Variants in CNOT2 observed in about 807,000 individuals in gnomAD.
The protein encoded by CNOT2 is CC chemokine receptor 4-negative regulator of transcription 2.
In CNOT2, 7 loss-of-function variants were observed where a neutral mutation model predicts 72.1. The observed-to-expected ratio is 0.10, with a 90% CI of 0.06 to 0.18. The LOEUF (loss-of-function observed/expected upper bound fraction) is 0.18. Among genes scored for constraint, CNOT2 ranks in the 10% least tolerant of loss-of-function variants. The pLI is 1.00. For synonymous variants in CNOT2, 196 were observed against 225.6 expected, an observed-to-expected ratio of 0.87 and a Z score of 1.17; for missense variants, 345 against 660.3, an observed-to-expected ratio of 0.52 and a Z score of 5.23.
At chr12:70,266,978 CAT>C (rs58555891) in intron 1 of CNOT2, among the ~76,000 whole-genome samples, 21,865 of 151,930 alleles carry the variant, frequency 0.14, 1,901 homozygotes, top group Admixed American at 0.28. Flanking sequence ...CTTTTTCACT[CAT>C]GTGATTGATT....
chr12:70,353,944 C>T lies in CNOT2; in HGVS notation c.*29C>T. 1 of 1,502,298 alleles carries T rather than the reference C, an allele frequency of 6.7e-7. No individual in the cohort carries two copies. Among genetic ancestry groups the T allele is most frequent in the South Asian group, 1.2e-5 (1 of 81,376 alleles). The allele number at this position is 1,502,298 out of a possible 1,614,324, so 93.1% of individuals were successfully genotyped here. A position where few individuals can be genotyped will look rare whatever the true frequency, so the allele number is the denominator to read the frequency against. Reference sequence around the variant, plus strand: ...AAAAAAAAAAAAAAAAAAAAGACTTCCCTTTTCTTGGGGTATGGCTGTCTC... The same window carrying T: ...AAAAAAAAAAAAAAAAAAAAGACTTTCCTTTTCTTGGGGTATGGCTGTCTC... On this transcript the variant is annotated 3_prime_UTR_variant, in exon 16 of 16. Transcript: ENST00000229195.
intron 8 of CNOT2, 64 bp from the exon 9 acceptor site, chr12:70,337,325 T>G: frequency 7.0e-7 from 1 of 1,433,238 alleles, no homozygotes; most frequent in South Asian, 1.2e-5. Context: ...AAGTTAACTT[T>G]ATAATCTGTA....
intron 1 of CNOT2, among the ~76,000 whole-genome samples, chr12:70,273,530 A>T (rs1868330458): frequency 1.3e-5 from 2 of 152,146 alleles, no homozygotes; most frequent in African/African-American, 4.8e-5. Flanking sequence ...ACTTGTGTAA[A>T]CAGATGTACT....
At chr12:70,341,996 A>G in intron 11 of CNOT2, 111 bp from the exon 12 acceptor site, 1 of 767,448 alleles carries the variant, frequency 1.3e-6, no homozygotes. Context: ...CAAGTAAGGG[A>G]ATTAGAAGTA....
chr12:70,280,919 G>A (rs1161909701), intron 2 of CNOT2, among the ~76,000 whole-genome samples: 2 of 152,054 alleles, frequency 1.3e-5, no homozygotes, highest in Non-Finnish European at 2.9e-5. Flanking sequence ...ATGGCTCATG[G>A]TTCATTTTTG....
chr12:70,269,839 C>T (rs563242191), intron 1 of CNOT2, among the ~76,000 whole-genome samples: 2 of 152,238 alleles, frequency 1.3e-5, no homozygotes, highest in Admixed American at 1.3e-4. Context: ...ATTTATAGAA[C>T]CTGGTTAAGA....
chr12:70,264,635 A>C (rs569249348), intron 1 of CNOT2, among the ~76,000 whole-genome samples: 2 of 152,040 alleles, frequency 1.3e-5, no homozygotes, highest in Admixed American at 1.3e-4. Context: ...GAGGGAGTTG[A>C]GTATAAGAAA....
intron 2 of CNOT2, among the ~76,000 whole-genome samples, chr12:70,293,914 CTTTTTTTTTTTTTT>C (rs34038348): frequency 1.4e-4 from 10 of 71,314 alleles, no homozygotes; most frequent in African/African-American, 5.0e-4. Context: ...GTGAGCACTG[CTTTTTTTTTTTTTT>C]TTTTTTTTTT....
intron 2 of CNOT2, among the ~76,000 whole-genome samples, chr12:70,302,837 T>A (rs199895380): frequency 6.6e-5 from 10 of 152,222 alleles, no homozygotes; most frequent in African/African-American, 1.7e-4. Flanking sequence ...CCCATTATTA[T>A]TGTGTGGGAG....
Position 70,251,012 on chromosome 12 carries a change from G to T in CNOT2, c.-96+7532G>T, listed in dbSNP as rs191281784. ...CATCAGATGAATTGCAGGGGTTGAG[G>T]GGTGGTCTGTCTGGAGTACTGGAAA... On this transcript the variant is annotated intron_variant, in intron 1 of 15. Coordinates refer to ENST00000229195, the MANE Select transcript of CNOT2 (RefSeq NM_014515.7). Among the ~76,000 whole-genome samples the T allele has an allele frequency of 1.7e-3, 254 of 152,218 alleles. 2 individuals carry two copies. The highest frequency in any genetic ancestry group is 5.8e-3 in the African/African-American group (240 of 41,536).
At chr12:70,311,111 G>A (rs1876379446) in intron 3 of CNOT2, 94 bp downstream of exon 3, 1 of 833,308 alleles carries the variant, frequency 1.2e-6, no homozygotes, top group Non-Finnish European at 1.9e-6. Flanking sequence ...TACTGTCTGT[G>A]GTTGAGTGAC....
intron 1 of CNOT2, among the ~76,000 whole-genome samples, chr12:70,275,433 C>T (rs1373139097): frequency 6.6e-6 from 1 of 151,936 alleles, no homozygotes; most frequent in African/African-American, 2.4e-5. Context: ...TCCAGTTTCC[C>T]CTCCTTGTGC....
chr12:70,268,594 C>T (rs4761191), intron 1 of CNOT2, among the ~76,000 whole-genome samples: 21,868 of 151,712 alleles, frequency 0.14, 1,913 homozygotes, highest in Admixed American at 0.28. Flanking sequence ...CTACAGGGTG[C>T]GTGTGCCATC....
chr12:70,295,938 TCCCTAGA>T (rs2135887991), intron 2 of CNOT2, among the ~76,000 whole-genome samples: 1 of 152,308 alleles, frequency 6.6e-6, no homozygotes, highest in African/African-American at 2.4e-5. Flanking sequence ...GAACATATTC[TCCCTAGA>T]TCAGAGTCAA....
intron 9 of CNOT2, chr12:70,338,228 C>A: frequency 2.6e-6 from 1 of 382,246 alleles, no homozygotes; most frequent in Non-Finnish European, 4.6e-6. Context: ...CCCTTGATTT[C>A]TTTTTCTTTA....
intron 11 of CNOT2, 35 bp from the exon 12 acceptor site, chr12:70,342,072 G>C (rs373693394): frequency 2.0e-4 from 255 of 1,271,042 alleles, no homozygotes; most frequent in Non-Finnish European, 2.9e-4. Flanking sequence ...CTCTTTTTCT[G>C]GATTTCAAAA....
At chr12:70,274,493 C>G (rs1465954518) in intron 1 of CNOT2, among the ~76,000 whole-genome samples, 1 of 151,978 alleles carries the variant, frequency 6.6e-6, no homozygotes, top group African/African-American at 2.4e-5. Context: ...CATATTTTAA[C>G]TTTGAGTATG....
Position 70,329,607 on chromosome 12 carries a change from A to T in CNOT2, c.386+37A>T, listed in dbSNP as rs371050057. The T allele has an allele frequency of 4.7e-6, 7 of 1,499,316 alleles. No individual in the cohort carries two copies. The African/African-American group carries it at 5.5e-5, about 12-fold the overall frequency. 92.9% of individuals were successfully genotyped at this position (1,499,316 alleles called of 1,614,324 possible). A position where few individuals can be genotyped will look rare whatever the true frequency, so the allele number is the denominator to read the frequency against. On this transcript the variant is annotated intron_variant, in intron 5 of 15. Transcript: ENST00000229195. ...TGGACCAGAATATTTTTCAAAATGTATCTTGGTAGAGTAAACAAACTTTTA... is the reference window on the plus strand; with the variant it reads ...TGGACCAGAATATTTTTCAAAATGTTTCTTGGTAGAGTAAACAAACTTTTA...
At position 70,304,369 on chromosome 12, in the gene CNOT2, G is replaced by A. The variant is rs576399842; in HGVS notation, c.49-6526G>A. Among the ~76,000 whole-genome samples the A allele has an allele frequency of 3.3e-5, 5 of 152,292 alleles. No homozygotes were observed. The East Asian group carries it at 7.7e-4, about 24-fold the overall frequency. On this transcript the variant is annotated intron_variant, in intron 2 of 15. Transcript: ENST00000229195. ...TGGTCTTTGATGATGGTGACGTACAGGTGGGTTTTTGGTGTGGATGTCCTT... is the reference window on the plus strand; with the variant it reads ...TGGTCTTTGATGATGGTGACGTACAAGTGGGTTTTTGGTGTGGATGTCCTT...
Sources: gnomAD v4.1 joint callset for allele counts (sites outside exome capture counted in the v4.1 genomes callset) on GRCh38, gnomAD v4.1.1 for gene constraint, MANE v1.5 for transcripts, NCBI Gene and HGNC (gene_info 2026-07-23, HGNC 2026-07-21) for gene names.